DNER: variants seen among roughly 807,000 people sequenced by gnomAD.
The protein encoded by DNER is delta and Notch-like epidermal growth factor-related receptor.
Under a neutral mutation model 78.2 loss-of-function variants are expected in DNER, and 33 were observed. That is an observed-to-expected ratio of 0.42 (90% CI 0.32 to 0.56). The LOEUF is 0.56. DNER is among the 20% of genes least tolerant of loss of function. The pLI is 0.11. For synonymous variants in DNER, 417 were observed against 384.8 expected (o/e 1.08, Z -0.98); for missense variants, 918 against 975.3 (o/e 0.94, Z 0.78).
intron 1 of DNER, among the ~76,000 whole-genome samples, chr2:229,700,008 C>A (rs948557387): frequency 6.6e-6 from 1 of 151,578 alleles, no homozygotes; most frequent in African/African-American, 2.4e-5. Flanking sequence ...CATTACGAAT[C>A]AATGTGGGGA....
At chr2:229,468,603 G>C (rs561277520) in intron 7 of DNER, among the ~76,000 whole-genome samples, 1 of 151,986 alleles carries the variant, frequency 6.6e-6, no homozygotes, top group Non-Finnish European at 1.5e-5. Flanking sequence ...GCCCCTACCC[G>C]CCAAATTATC....
chr2:229,534,918 C>A (rs577007313), intron 5 of DNER, among the ~76,000 whole-genome samples: 1 of 152,074 alleles, frequency 6.6e-6, no homozygotes, highest in East Asian at 1.9e-4. Context: ...TCACTGCAAC[C>A]TCTGCCACCT....
intron 1 of DNER, among the ~76,000 whole-genome samples, chr2:229,670,864 A>C (rs1462723567): frequency 1.3e-5 from 2 of 152,220 alleles, no homozygotes; most frequent in African/African-American, 4.8e-5. Flanking sequence ...ATTAGTCTAA[A>C]TAGCCACAAT....
At chr2:229,512,472 A>G (rs1559153529) in intron 6 of DNER, among the ~76,000 whole-genome samples, 1 of 152,184 alleles carries the variant, frequency 6.6e-6, no homozygotes, top group Non-Finnish European at 1.5e-5. Flanking sequence ...AGGAATGAAA[A>G]ACCAAACATC....
intron 1 of DNER, among the ~76,000 whole-genome samples, chr2:229,669,567 T>C (rs1376326946): frequency 6.6e-6 from 1 of 152,196 alleles, no homozygotes; most frequent in Non-Finnish European, 1.5e-5. Flanking sequence ...TTCCCATTTG[T>C]TTGTTTCCTC....
At chr2:229,423,808 CAGAT>C (rs1246725095) in intron 8 of DNER, among the ~76,000 whole-genome samples, 3 of 152,192 alleles carry the variant, frequency 2.0e-5, no homozygotes, top group Non-Finnish European at 4.4e-5. Context: ...ATCACTTCCT[CAGAT>C]AGTTTTCTGA....
intron 5 of DNER, among the ~76,000 whole-genome samples, chr2:229,534,406 A>T (rs962874326): frequency 3.3e-5 from 5 of 152,226 alleles, no homozygotes; most frequent in African/African-American, 1.2e-4. Context: ...GATTGTAATG[A>T]AACAGACCAA....
At chr2:229,594,827 AG>A (rs1215071931) in intron 1 of DNER, among the ~76,000 whole-genome samples, 3 of 152,158 alleles carry the variant, frequency 2.0e-5, no homozygotes, top group Non-Finnish European at 2.9e-5. Flanking sequence ...TATTAAATGT[AG>A]GCCAATTAAG....
intron 7 of DNER, among the ~76,000 whole-genome samples, chr2:229,470,032 G>A (rs939155659): frequency 1.7e-4 from 26 of 152,210 alleles, no homozygotes; most frequent in African/African-American, 6.3e-4. Flanking sequence ...CATCAGTACT[G>A]TTATAGGTAC....
At chr2:229,401,532 G>A (rs1693266837) in intron 10 of DNER, among the ~76,000 whole-genome samples, 1 of 151,932 alleles carries the variant, frequency 6.6e-6, no homozygotes, top group Non-Finnish European at 1.5e-5. Context: ...TAACCTGGAT[G>A]CATCTCCAAA....
intron 1 of DNER, among the ~76,000 whole-genome samples, chr2:229,677,648 G>A (rs923396565): frequency 2.0e-5 from 3 of 152,074 alleles, no homozygotes; most frequent in Non-Finnish European, 4.4e-5. Flanking sequence ...AATCTACATT[G>A]GTTGTAATAT....
Position 229,447,361 on chromosome 2 carries a change from T to A in DNER, c.1441A>T (p.Thr481Ser), listed in dbSNP as rs1192788967. 1 of 1,612,042 alleles carries A rather than the reference T, an allele frequency of 6.2e-7. No individual in the cohort carries two copies. Among genetic ancestry groups the A allele is most frequent in the East Asian group, 2.2e-5 (1 of 44,802 alleles). ...FCALSPCAHG[T>S]CRSVGTSYKC... The stretch of plus-strand genomic sequence containing the variant: ...TAGCTGGTGCCCACGCTGCGGCACG[T>A]GCCATGAGCACAGGGGCTGAGGGCA... The change falls in exon 8 of 13, where the codon ACG (threonine) becomes TCG (serine). Residue 481 changes from threonine (T) to serine (S), a missense_variant. Thr to Ser is a moderately conservative substitution (Grantham distance 58). Transcript: ENST00000341772.
In DNER at chr2:229,563,430, C is replaced by T. The variant is rs571445026; in HGVS notation, c.848-16338G>A. On this transcript the variant is annotated intron_variant, in intron 4 of 12. Transcript: ENST00000341772. ...CCCCATCGCCATCATCATCATCATC[C>T]TCACCCCATCACCATCATCATCTTC... Among the ~76,000 whole-genome samples, 24 of 134,920 alleles carry T rather than the reference C, an allele frequency of 1.8e-4. No individual in the cohort carries two copies. The South Asian group carries it at 3.0e-3, about 17-fold the overall frequency. 88.5% of individuals were successfully genotyped at this position (134,920 alleles called of 152,430 possible).
chr2:229,699,693 G>A (rs540004588), intron 1 of DNER, among the ~76,000 whole-genome samples: 81 of 152,206 alleles, frequency 5.3e-4, no homozygotes, highest in African/African-American at 1.9e-3. Flanking sequence ...AGAAATAATA[G>A]AATCAACCTT....
At chr2:229,385,100 TAAA>T (rs57663031) in intron 11 of DNER, among the ~76,000 whole-genome samples, 9 of 110,906 alleles carry the variant, frequency 8.1e-5, no homozygotes, top group South Asian at 5.5e-4. Flanking sequence ...AGACTCCATC[TAAA>T]AAAAAAAAAA....
chr2:229,682,586 G>A (rs577439578), intron 1 of DNER, among the ~76,000 whole-genome samples: 2 of 152,350 alleles, frequency 1.3e-5, no homozygotes, highest in South Asian at 2.1e-4. Context: ...AGTGGCTCAT[G>A]TCTGTAATCC....
At chr2:229,484,603 G>A (rs1010896908) in intron 6 of DNER, among the ~76,000 whole-genome samples, 2 of 152,080 alleles carry the variant, frequency 1.3e-5, no homozygotes, top group African/African-American at 2.4e-5. Context: ...CTTGACTGGG[G>A]TGATTCTTCC....
At chr2:229,660,772 G>A (rs1698995878) in intron 1 of DNER, among the ~76,000 whole-genome samples, 1 of 152,072 alleles carries the variant, frequency 6.6e-6, no homozygotes, top group African/African-American at 2.4e-5. Flanking sequence ...TTAGTTTTGG[G>A]GTGAGCAGGA....
intron 4 of DNER, among the ~76,000 whole-genome samples, chr2:229,574,854 TA>T (rs900095047): frequency 6.6e-6 from 1 of 152,214 alleles, no homozygotes; most frequent in African/African-American, 2.4e-5. Flanking sequence ...AATTTGGCTA[TA>T]AAAAAAGGCA....
Sources: allele counts gnomAD v4.1 joint callset (sites outside exome capture counted in the v4.1 genomes callset), GRCh38; gene constraint gnomAD v4.1.1; transcripts MANE v1.5; gene names NCBI Gene and HGNC (gene_info 2026-07-23, HGNC 2026-07-21).